SNRNP40: variants seen among roughly 807,000 people sequenced by gnomAD.
SNRNP40 encodes U5 small nuclear ribonucleoprotein 40 kDa protein.
Under a neutral mutation model 45.8 loss-of-function variants are expected in SNRNP40, and 21 were observed. That is an observed-to-expected ratio of 0.46 (90% CI 0.32 to 0.66). SNRNP40 has a LOEUF of 0.66. Ranked by LOEUF, SNRNP40 falls within the 30% of genes least tolerant of loss-of-function variation. SNRNP40 has a pLI of 0.03. For missense variants in SNRNP40, 344 were observed against 439.1 expected (o/e 0.78, Z 1.94); for synonymous variants, 142 against 163.8 (o/e 0.87, Z 1.01).
intron 4 of SNRNP40, among the ~76,000 whole-genome samples, chr1:31,282,716 C>T (rs1646028277): frequency 1.3e-5 from 2 of 152,056 alleles, no homozygotes; most frequent in African/African-American, 4.8e-5. Flanking sequence ...CCCTCTGTCA[C>T]CCAGGCCGGA....
intron 8 of SNRNP40, among the ~76,000 whole-genome samples, chr1:31,264,543 G>A (rs1645883026): frequency 6.6e-6 from 1 of 152,102 alleles, no homozygotes; most frequent in African/African-American, 2.4e-5. Flanking sequence ...TTACAATGAT[G>A]GAGAAAATAT....
At chr1:31,261,037 T>C in intron 9 of SNRNP40, 1 of 1,281,520 alleles carries the variant, frequency 7.8e-7, no homozygotes, top group African/African-American at 1.5e-5. Flanking sequence ...CTGACATTGA[T>C]ACCCACATAA....
chr1:31,275,618 G>A (rs1381349575), intron 5 of SNRNP40, among the ~76,000 whole-genome samples: 2 of 152,132 alleles, frequency 1.3e-5, no homozygotes, highest in Non-Finnish European at 2.9e-5. Context: ...TGGAACTCCC[G>A]GCCTCAAGTG....
intron 8 of SNRNP40, among the ~76,000 whole-genome samples, chr1:31,265,287 G>A (rs1240266147): frequency 2.0e-5 from 3 of 151,908 alleles, no homozygotes; most frequent in African/African-American, 7.3e-5. Context: ...ACTATGCCTG[G>A]CTAATTTTTT....
rs71569976 is a variant in SNRNP40, at chr1:31,279,060, AC to A, written c.654+2313del. On this transcript the variant is annotated intron_variant, in intron 5 of 9. Transcript: ENST00000263694. Reference sequence around the variant, plus strand: ...ACACATACAAAAAACAAAAAAAAAAACCAGACTATTAGGAATGAAGAATGAA... The same window carrying A: ...ACACATACAAAAAACAAAAAAAAAAACAGACTATTAGGAATGAAGAATGAA... 8.2e-5 allele frequency among the ~76,000 whole-genome samples: 12 copies of A among 145,948 alleles called. No homozygotes were observed. In the South Asian group the frequency reaches 1.3e-3, roughly 16 times the overall value.
At position 31,260,111 on chromosome 1, in the gene SNRNP40, T is replaced by A. The variant is rs372524542; in HGVS notation, c.1035A>T (p.Ala345=). ...CCATATACAGTCTCTTGTCACTCGATGCTGAGATAACTGAGGTAAAAAGAA... is the reference window on the plus strand; with the variant it reads ...CCATATACAGTCTCTTGTCACTCGAAGCTGAGATAACTGAGGTAAAAAGAA... The part of the protein sequence containing the change: ...FHPDEPIIIS[A]SSDKRLYMGE... Residue 345 remains alanine, a synonymous_variant, in exon 10 of 10, where the codon GCA becomes GCT. Coordinates refer to ENST00000263694, the MANE Select transcript of SNRNP40 (RefSeq NM_004814.3). 6.3e-7 allele frequency: 1 copy of A among 1,599,826 alleles called. No homozygotes were observed. The highest frequency in any genetic ancestry group is 1.3e-5 in the African/African-American group (1 of 74,322).
chr1:31,291,288 C>CAAAAAAAAAAAAAA (rs55857301), intron 3 of SNRNP40, among the ~76,000 whole-genome samples: 1 of 128,656 alleles, frequency 7.8e-6, no homozygotes, highest in Non-Finnish European at 1.6e-5. Flanking sequence ...AATTCCGTCT[C>CAAAAAAAAAAAAAA]AAAAAAAAAA....
intron 3 of SNRNP40, among the ~76,000 whole-genome samples, chr1:31,291,547 C>T (rs1323087798): frequency 2.6e-5 from 4 of 152,134 alleles, no homozygotes; most frequent in South Asian, 2.1e-4. Context: ...GGCATGGAGG[C>T]GTGGGCTTGT....
intron 5 of SNRNP40, among the ~76,000 whole-genome samples, chr1:31,280,113 CAAAAAAAAAA>C (rs577919252): frequency 7.4e-5 from 5 of 67,634 alleles, no homozygotes; most frequent in Non-Finnish European, 1.3e-4. Flanking sequence ...GACTCTGACT[CAAAAAAAAAA>C]AAAAAAAAAA....
At chr1:31,272,612 G>A (rs550839125) in intron 5 of SNRNP40, among the ~76,000 whole-genome samples, 10 of 152,226 alleles carry the variant, frequency 6.6e-5, no homozygotes, top group South Asian at 2.1e-4. Flanking sequence ...TACTTCTTAC[G>A]GCTGTTGTAA....
At chr1:31,285,146 A>C (rs1420515704) in intron 4 of SNRNP40, among the ~76,000 whole-genome samples, 1 of 152,216 alleles carries the variant, frequency 6.6e-6, no homozygotes, top group Non-Finnish European at 1.5e-5. Context: ...TTTACTTTGA[A>C]GCAATCATAA....
intron 4 of SNRNP40, among the ~76,000 whole-genome samples, chr1:31,288,773 C>A (rs547284966): frequency 2.8e-4 from 42 of 151,872 alleles, no homozygotes; most frequent in African/African-American, 1.0e-3. Context: ...GAGTCTCGCT[C>A]TGTCGCCCAG....
intron 4 of SNRNP40, among the ~76,000 whole-genome samples, chr1:31,286,243 T>G (rs1177150386): frequency 1.3e-5 from 2 of 152,208 alleles, no homozygotes; most frequent in African/African-American, 4.8e-5. Context: ...AGTTCACACT[T>G]ATACCTCACA....
intron 4 of SNRNP40, among the ~76,000 whole-genome samples, chr1:31,287,164 C>T (rs1646065725): frequency 1.3e-5 from 2 of 152,198 alleles, no homozygotes; most frequent in South Asian, 4.2e-4. Context: ...GTACTTGCAA[C>T]CTAGTAACAA....
Position 31,277,426 on chromosome 1 carries a change from TTAA to T in SNRNP40, c.654+3945_654+3947del, listed in dbSNP as rs1450459410. On this transcript the variant is annotated intron_variant, in intron 5 of 9. Coordinates refer to ENST00000263694, the MANE Select transcript of SNRNP40 (RefSeq NM_004814.3). ...AATCTATTTTAATTGTAATTAATTG[TTAA>T]TAATGTTATTCCCAATAAAGTTGAT... 1.1e-4 allele frequency among the ~76,000 whole-genome samples: 16 copies of T among 152,376 alleles called. No homozygotes were observed. The South Asian group carries it at 3.1e-3, about 30-fold the overall frequency.
chr1:31,287,993 T>A (rs746001334), intron 4 of SNRNP40, among the ~76,000 whole-genome samples: 27 of 151,922 alleles, frequency 1.8e-4, no homozygotes, highest in Non-Finnish European at 4.0e-4. Flanking sequence ...TGAAACCCCA[T>A]CTCTACCAAA....
chr1:31,294,984 C>T (rs1321608670), intron 1 of SNRNP40, among the ~76,000 whole-genome samples: 1 of 150,060 alleles, frequency 6.7e-6, no homozygotes, highest in Non-Finnish European at 1.5e-5. Context: ...ACTGGGCAAA[C>T]AGCAATGAAC....
At chr1:31,289,065 A>G (rs1161273215) in intron 4 of SNRNP40, among the ~76,000 whole-genome samples, 189 bp downstream of exon 4, 1 of 152,204 alleles carries the variant, frequency 6.6e-6, no homozygotes, top group Non-Finnish European at 1.5e-5. Flanking sequence ...TGGTTCTATT[A>G]TTATTCTGTA....
At chr1:31,268,881 A>G (rs577705846) in intron 7 of SNRNP40, among the ~76,000 whole-genome samples, 18 of 152,278 alleles carry the variant, frequency 1.2e-4, no homozygotes, top group African/African-American at 4.3e-4. Context: ...ATTCCCAAGT[A>G]ATTAAAAAGG....
Sources: gnomAD v4.1 joint callset for allele counts (sites outside exome capture counted in the v4.1 genomes callset) on GRCh38, gnomAD v4.1.1 for gene constraint, MANE v1.5 for transcripts, NCBI Gene and HGNC (gene_info 2026-07-23, HGNC 2026-07-21) for gene names.